The following NHSL3 variants were observed in gnomAD, a reference collection of about 807,000 sequenced individuals.
NHSL3 encodes the protein NHS like 3.
chr1:32,749,075 C>T, the NHSL3 span, among the ~76,000 whole-genome samples: 16 of 152,220 alleles, frequency 1.1e-4, no homozygotes, highest in African/African-American at 1.7e-4. Context: ...GGGGAAAATA[C>T]GCTGAACAAG....
chr1:32,770,261 C>T, the NHSL3 span: 73 of 1,603,518 alleles, frequency 4.6e-5, no homozygotes, highest in African/African-American at 1.5e-4. This position sits in a 1 kb window ranked among gnomAD's most constrained non-coding sequence, Gnocchi z 8.3. Flanking sequence ...GCTGTGCTGC[C>T]GCCTACAGTG....
chr1:32,758,512 C>T, the NHSL3 span, among the ~76,000 whole-genome samples: 1 of 152,064 alleles, frequency 6.6e-6, no homozygotes, highest in Non-Finnish European at 1.5e-5. Flanking sequence ...GTCTCGTCCC[C>T]TTTCTTGTGG....
At chr1:32,772,207 C>CG in the NHSL3 span, 1 of 1,611,326 alleles carries the variant, frequency 6.2e-7, no homozygotes, top group Non-Finnish European at 8.5e-7. Context: ...CTCAGAGCAG[C>CG]GGCCACCCCA....
chr1:32,749,734 C>T, the NHSL3 span, among the ~76,000 whole-genome samples: 4 of 152,118 alleles, frequency 2.6e-5, no homozygotes, highest in Non-Finnish European at 5.9e-5. Context: ...TCAACACCTT[C>T]AGGGGCTCCT....
At chr1:32,752,173 C>T in the NHSL3 span, among the ~76,000 whole-genome samples, 239 of 152,270 alleles carry the variant, frequency 1.6e-3, 1 homozygote, top group Non-Finnish European at 2.1e-3. Flanking sequence ...TGAATATTTT[C>T]TATGGGTGAA....
At chr1:32,742,208 G>A in the NHSL3 span, 2 of 1,246,078 alleles carry the variant, frequency 1.6e-6, no homozygotes, top group South Asian at 6.7e-5. Flanking sequence ...GTCGGCACCT[G>A]GGCTGAGCGC....
the NHSL3 span, among the ~76,000 whole-genome samples, chr1:32,761,790 G>C: frequency 6.6e-6 from 1 of 152,108 alleles, no homozygotes; most frequent in African/African-American, 2.4e-5. Context: ...TTTTCTGTTT[G>C]TGTGAGACTG....
the NHSL3 span, among the ~76,000 whole-genome samples, chr1:32,744,166 G>A: frequency 1.3e-5 from 2 of 152,148 alleles, no homozygotes; most frequent in South Asian, 2.1e-4. Context: ...TGGGAGGTCA[G>A]GGATCTTTGC....
the NHSL3 span, chr1:32,768,834 C>G: frequency 4.9e-5 from 78 of 1,579,406 alleles, no homozygotes; most frequent in African/African-American, 9.0e-4. Context: ...GCATCTGTAG[C>G]TTCTTTTCCT....
At chr1:32,750,993 T>G in the NHSL3 span, among the ~76,000 whole-genome samples, 1 of 151,430 alleles carries the variant, frequency 6.6e-6, no homozygotes, top group Non-Finnish European at 1.5e-5. Context: ...GTATTTTTAG[T>G]AGACACGGGG....
chr1:32,768,593 A>G, the NHSL3 span: 24 of 1,590,970 alleles, frequency 1.5e-5, no homozygotes, highest in Non-Finnish European at 2.1e-5. Flanking sequence ...CTCAAAAAAA[A>G]GTTCCAATGG....
the NHSL3 span, among the ~76,000 whole-genome samples, chr1:32,751,277 A>T: frequency 1.3e-5 from 2 of 152,202 alleles, no homozygotes; most frequent in Admixed American, 6.5e-5. Context: ...AGGATCCTGG[A>T]GCAAGCACTG....
chr1:32,752,390 G>C, the NHSL3 span, among the ~76,000 whole-genome samples: 2 of 152,142 alleles, frequency 1.3e-5, no homozygotes, highest in African/African-American at 4.8e-5. Flanking sequence ...GTGGGGTCTA[G>C]AACTGAGGGC....
chr1:32,768,972 C>T, the NHSL3 span: 5 of 645,532 alleles, frequency 7.7e-6, no homozygotes, highest in East Asian at 3.3e-5. Context: ...TCTTGGCGGC[C>T]GGGTGCGGTG....
chr1:32,772,240 G>A, the NHSL3 span: 2 of 1,605,556 alleles, frequency 1.2e-6, no homozygotes, highest in Non-Finnish European at 1.7e-6. Flanking sequence ...GTCACCTAAG[G>A]CTCCCCCACC....
chr1:32,747,465 G>A, the NHSL3 span, among the ~76,000 whole-genome samples: 3 of 152,088 alleles, frequency 2.0e-5, no homozygotes, highest in Admixed American at 6.6e-5. Flanking sequence ...GAGCTACCGC[G>A]ACTGGCCGAC....
the NHSL3 span, among the ~76,000 whole-genome samples, chr1:32,758,180 C>A: frequency 6.6e-6 from 1 of 152,190 alleles, no homozygotes; most frequent in Admixed American, 6.5e-5. Flanking sequence ...CAACTCTCCC[C>A]TTCCCAGGCT....
At chr1:32,754,719 A>C in the NHSL3 span, among the ~76,000 whole-genome samples, 1 of 152,118 alleles carries the variant, frequency 6.6e-6, no homozygotes, top group Non-Finnish European at 1.5e-5. Context: ...ACTCGGACAC[A>C]CACGCTTATT....
the NHSL3 span, chr1:32,773,773 G>A: frequency 6.5e-6 from 1 of 152,780 alleles, no homozygotes; most frequent in African/African-American, 2.4e-5. Context: ...AAGCACTGAG[G>A]AGGTGGATGG....
Sources: gnomAD v4.1 joint callset for allele counts (sites outside exome capture counted in the v4.1 genomes callset) on GRCh38, gnomAD v4.1.1 for gene constraint, Gnocchi (gnomAD v3.1) non-coding constraint, MANE v1.5 for transcripts, NCBI Gene and HGNC (gene_info 2026-07-23, HGNC 2026-07-21) for gene names.